The following ACOXL variants were observed in gnomAD, a reference collection of about 807,000 sequenced individuals.
ACOXL encodes the protein acyl-CoA oxidase like, also known as acyl-coenzyme A oxidase-like protein.
ACOXL carries 70 observed loss-of-function variants against 71.9 expected under a neutral mutation model. The observed-to-expected ratio is 0.97, with a 90% CI of 0.80 to 1.19. The LOEUF is 1.19. Ranked by LOEUF, ACOXL falls within the 50% of genes most tolerant of loss-of-function variation. ACOXL has a pLI of 0.00. For synonymous variants in ACOXL, 253 were observed against 281.6 expected (o/e 0.90, Z 1.02); for missense variants, 703 against 736.3 (o/e 0.95, Z 0.52).
At chr2:110,938,534 A>G (rs2060749470) in intron 12 of ACOXL, among the ~76,000 whole-genome samples, 1 of 152,228 alleles carries the variant, frequency 6.6e-6, no homozygotes, top group Non-Finnish European at 1.5e-5. Flanking sequence ...AGGCTAGACC[A>G]TGAGGGCAGT....
intron 12 of ACOXL, among the ~76,000 whole-genome samples, chr2:110,960,235 T>C (rs1052341192): frequency 2.6e-5 from 4 of 151,880 alleles, no homozygotes; most frequent in African/African-American, 9.7e-5. Context: ...CCAAGCAAGG[T>C]TCAGGGAAAC....
rs577080524 is a variant in ACOXL at position 111,047,127 on chromosome 2, T to G, written c.1370-2091T>G. ...CAGTGGCCTGGTGGCTGGAGGATGA[T>G]AGTCCCACAGAAATGGGAAAAAGTT... On this transcript the variant is annotated intron_variant, in intron 15 of 17. Coordinates refer to ENST00000439055, the MANE Select transcript of ACOXL (RefSeq NM_001142807.4). Among the ~76,000 whole-genome samples the G allele has an allele frequency of 3.3e-5, 5 of 152,320 alleles. 1 individual carries two copies. The South Asian group carries it at 1.0e-3, about 32-fold the overall frequency.
At chr2:110,960,415 G>T (rs973024459) in intron 12 of ACOXL, among the ~76,000 whole-genome samples, 4 of 152,174 alleles carry the variant, frequency 2.6e-5, no homozygotes, top group African/African-American at 9.7e-5. Context: ...ACGTGTGAAG[G>T]TCTCCTCTAA....
At chr2:111,045,138 C>T (rs1180624503) in intron 15 of ACOXL, among the ~76,000 whole-genome samples, 4 of 152,160 alleles carry the variant, frequency 2.6e-5, no homozygotes, top group Admixed American at 2.6e-4. Context: ...GCCAAGAGTC[C>T]CTTAGGGAGA....
At chr2:110,896,708 C>T (rs191848505) in intron 10 of ACOXL, among the ~76,000 whole-genome samples, 2 of 152,164 alleles carry the variant, frequency 1.3e-5, no homozygotes, top group Non-Finnish European at 2.9e-5. Flanking sequence ...ATGTAAAACA[C>T]AGCACAGCCT....
chr2:110,757,530 GT>G (rs1198431134), intron 1 of ACOXL, among the ~76,000 whole-genome samples: 1 of 152,102 alleles, frequency 6.6e-6, no homozygotes, highest in Non-Finnish European at 1.5e-5. Context: ...GTGTAAAAGT[GT>G]TCCTCGTTCT....
intron 12 of ACOXL, among the ~76,000 whole-genome samples, chr2:110,945,879 T>C (rs1173836910): frequency 6.6e-6 from 1 of 152,186 alleles, no homozygotes; most frequent in Non-Finnish European, 1.5e-5. Flanking sequence ...TCTAATTCTG[T>C]GAAGAATGTC....
At chr2:110,908,076 G>A (rs1435237000) in intron 10 of ACOXL, among the ~76,000 whole-genome samples, 2 of 152,252 alleles carry the variant, frequency 1.3e-5, no homozygotes, top group East Asian at 3.8e-4. Flanking sequence ...AAGGGGCAGA[G>A]GGTGACCTCT....
At chr2:111,071,907 G>T in intron 16 of ACOXL, among the ~76,000 whole-genome samples, 1 of 152,206 alleles carries the variant, frequency 6.6e-6, no homozygotes, top group East Asian at 1.9e-4. Context: ...ATGAGCCACA[G>T]TTCCTGCCTT....
intron 14 of ACOXL, among the ~76,000 whole-genome samples, chr2:111,001,738 G>A (rs1325350855): frequency 6.6e-6 from 1 of 152,196 alleles, no homozygotes; most frequent in East Asian, 1.9e-4. Context: ...CAAAGGGAGA[G>A]GATCTGTACT....
At chr2:110,783,756 G>GT (rs1683617050) in intron 2 of ACOXL, among the ~76,000 whole-genome samples, 1 of 152,302 alleles carries the variant, frequency 6.6e-6, no homozygotes, top group East Asian at 1.9e-4. Context: ...ACAAGCACCA[G>GT]TTTTTTTGGG....
intron 12 of ACOXL, among the ~76,000 whole-genome samples, chr2:110,953,312 CATTAT>C (rs2061390219): frequency 6.7e-6 from 1 of 149,778 alleles, no homozygotes; most frequent in African/African-American, 2.5e-5. Flanking sequence ...TTGTTATTAT[CATTAT>C]AATTACTTTT....
chr2:111,014,880 T>A (rs2064353510), intron 14 of ACOXL, among the ~76,000 whole-genome samples: 1 of 152,228 alleles, frequency 6.6e-6, no homozygotes. Context: ...GAAAAGAATT[T>A]TTTAATAGTG....
At chr2:111,108,620 G>A (rs1020006492) in intron 17 of ACOXL, among the ~76,000 whole-genome samples, 4 of 152,084 alleles carry the variant, frequency 2.6e-5, no homozygotes, top group African/African-American at 4.8e-5. Flanking sequence ...AGGTGATACC[G>A]CCCGCCTTGG....
chr2:110,995,499 C>CAAA (rs567318996), intron 13 of ACOXL, among the ~76,000 whole-genome samples: 11 of 67,300 alleles, frequency 1.6e-4, no homozygotes, highest in South Asian at 9.0e-4. Context: ...GACTCTGTCT[C>CAAA]AAAAAAAAAA....
chr2:111,044,276 C>A (rs1046465094), intron 15 of ACOXL, among the ~76,000 whole-genome samples: 5 of 152,226 alleles, frequency 3.3e-5, no homozygotes, highest in Non-Finnish European at 7.3e-5. Flanking sequence ...CCCTTGGCTA[C>A]CCCATGGGTC....
At chr2:111,000,154 A>G (rs967177739) in intron 14 of ACOXL, among the ~76,000 whole-genome samples, 3 of 152,192 alleles carry the variant, frequency 2.0e-5, no homozygotes, top group African/African-American at 7.2e-5. Flanking sequence ...TTATGATCTT[A>G]ACCTGTGGGT....
At chr2:110,919,020 A>G (rs2059966783) in intron 11 of ACOXL, among the ~76,000 whole-genome samples, 1 of 152,214 alleles carries the variant, frequency 6.6e-6, no homozygotes, top group African/African-American at 2.4e-5. Context: ...CTAGAACCAG[A>G]AATACCATTT....
intron 11 of ACOXL, among the ~76,000 whole-genome samples, chr2:110,921,923 C>T (rs1174451323): frequency 6.6e-6 from 1 of 152,106 alleles, no homozygotes; most frequent in African/African-American, 2.4e-5. Flanking sequence ...CAATAACATC[C>T]TTTGTATGAA....
Sources: gnomAD v4.1 joint callset for allele counts (sites outside exome capture counted in the v4.1 genomes callset) on GRCh38, gnomAD v4.1.1 for gene constraint, MANE v1.5 for transcripts, NCBI Gene and HGNC (gene_info 2026-07-23, HGNC 2026-07-21) for gene names.